The following FYN variants were observed in gnomAD, a reference collection of about 807,000 sequenced individuals.
FYN encodes the protein FYN proto-oncogene, Src family tyrosine kinase.
In FYN, 10 loss-of-function variants were observed where a neutral mutation model predicts 70.2. The observed-to-expected ratio is 0.14, with a 90% CI of 0.09 to 0.24. FYN has a LOEUF of 0.24. FYN is among the 10% of genes least tolerant of loss of function. The pLI is 1.00. For synonymous variants in FYN, 236 were observed against 248.6 expected, an observed-to-expected ratio of 0.95 and a Z score of 0.48; for missense variants, 319 against 673.1, an observed-to-expected ratio of 0.47 and a Z score of 5.82.
chr6:111,870,883 G>T (rs1774251538), intron 1 of FYN, among the ~76,000 whole-genome samples: 1 of 152,102 alleles, frequency 6.6e-6, no homozygotes, highest in African/African-American at 2.4e-5. Context: ...ATGTGCTCTG[G>T]CTTTCCTTCC....
chr6:111,830,928 A>G (rs1772997110), intron 2 of FYN, among the ~76,000 whole-genome samples: 1 of 152,142 alleles, frequency 6.6e-6, no homozygotes, highest in Non-Finnish European at 1.5e-5. Flanking sequence ...GACACTGTAG[A>G]CATGGGCATG....
chr6:111,702,130 T>C lies in FYN; in HGVS notation c.697+755A>G, dbSNP rs531759844. ...ATGTGTCTATACATGTGCACCTATATCTATAGGCACATGTGAACATGTATT... is the reference window on the plus strand; with the variant it reads ...ATGTGTCTATACATGTGCACCTATACCTATAGGCACATGTGAACATGTATT... On this transcript the variant is annotated intron_variant, in intron 8 of 13. Transcript: ENST00000354650. 7.9e-5 allele frequency among the ~76,000 whole-genome samples: 12 copies of C among 152,294 alleles called. No homozygotes were observed. The South Asian group carries it at 2.3e-3, about 29-fold the overall frequency.
chr6:111,837,688 C>T (rs1292665967), intron 2 of FYN, among the ~76,000 whole-genome samples: 1 of 152,208 alleles, frequency 6.6e-6, no homozygotes, highest in Non-Finnish European at 1.5e-5. Context: ...GCCTCCACTT[C>T]AGACACTCTT....
intron 2 of FYN, among the ~76,000 whole-genome samples, chr6:111,835,628 T>C (rs192567126): frequency 5.0e-4 from 76 of 152,092 alleles, no homozygotes; most frequent in Non-Finnish European, 7.8e-4. Flanking sequence ...GCTAAACATT[T>C]GATTTTTTTT....
chr6:111,660,667 C>T lies in FYN; in HGVS notation c.*1072G>A, dbSNP rs561003544. On this transcript the variant is annotated 3_prime_UTR_variant, in exon 14 of 14. Coordinates refer to ENST00000354650, the MANE Select transcript of FYN (RefSeq NM_002037.5). ...CAGGACATTTAAAACACTTATTTTA[C>T]AATGGGAAATGTACAACCCCCACCC... 2.6e-5 allele frequency: 4 copies of T among 152,270 alleles called. No individual in the cohort carries two copies. Among genetic ancestry groups the T allele is most frequent in the African/African-American group, 7.2e-5 (3 of 41,558 alleles). The allele number at this position is 152,270 out of a possible 1,614,324, so 9.4% of individuals were successfully genotyped here.
intron 12 of FYN, among the ~76,000 whole-genome samples, chr6:111,687,346 C>T (rs1799051541): frequency 6.6e-6 from 1 of 152,110 alleles, no homozygotes; most frequent in Non-Finnish European, 1.5e-5. Context: ...AATACATAAG[C>T]CTAAACTTAC....
At chr6:111,762,563 A>C (rs1206442595) in intron 3 of FYN, among the ~76,000 whole-genome samples, 2 of 151,826 alleles carry the variant, frequency 1.3e-5, no homozygotes, top group African/African-American at 4.9e-5. Flanking sequence ...TACTAACTCC[A>C]ACCTGACACT....
At chr6:111,699,460 A>G in intron 9 of FYN, 2 of 1,571,506 alleles carry the variant, frequency 1.3e-6, no homozygotes, top group Non-Finnish European at 8.7e-7. Flanking sequence ...GTTCAAAACC[A>G]TCCTTTTAAT....
intron 1 of FYN, among the ~76,000 whole-genome samples, chr6:111,853,465 A>G (rs910844671): frequency 1.3e-5 from 2 of 151,964 alleles, no homozygotes; most frequent in African/African-American, 2.4e-5. Context: ...AGCCAGGTGT[A>G]TGTTCCCTGG....
At chr6:111,739,563 G>A (rs1319060443) in intron 3 of FYN, among the ~76,000 whole-genome samples, 1 of 152,214 alleles carries the variant, frequency 6.6e-6, no homozygotes, top group Non-Finnish European at 1.5e-5. Flanking sequence ...ATGTGGGAGA[G>A]AAACAGAAGT....
At chr6:111,679,602 C>T (rs923857888) in intron 12 of FYN, among the ~76,000 whole-genome samples, 8 of 152,080 alleles carry the variant, frequency 5.3e-5, no homozygotes, top group Admixed American at 2.0e-4. Flanking sequence ...CCTTACAGAG[C>T]GTATTATCAG....
rs1433709799 is a variant in FYN at position 111,789,793 on chromosome 6, T to G, written c.-81-9158A>C. Among the ~76,000 whole-genome samples, 9 of 152,246 alleles carry G rather than the reference T, an allele frequency of 5.9e-5. No individual in the cohort carries two copies. The East Asian group carries it at 1.7e-3, about 29-fold the overall frequency. On this transcript the variant is annotated intron_variant, in intron 2 of 13. Transcript: ENST00000354650. ...TTCCTAAGATCTGCAATCCACAGTC[T>G]GAACAGAAACACTGCTTTGCTATGA...
intron 9 of FYN, 41 bp downstream of exon 9, chr6:111,700,063 A>C: frequency 6.3e-7 from 1 of 1,589,686 alleles, no homozygotes; most frequent in South Asian, 1.1e-5. Context: ...GGATCTTCCA[A>C]ACGGGGAAGC....
At chr6:111,868,175 C>T (rs1774168049) in intron 1 of FYN, among the ~76,000 whole-genome samples, 1 of 152,036 alleles carries the variant, frequency 6.6e-6, no homozygotes, top group Non-Finnish European at 1.5e-5. Flanking sequence ...TGCCATCCTA[C>T]ATGGACCCCT....
intron 2 of FYN, among the ~76,000 whole-genome samples, chr6:111,820,479 A>G (rs1187868240): frequency 4.6e-5 from 7 of 151,716 alleles, no homozygotes; most frequent in Non-Finnish European, 8.8e-5. Context: ...CTATTAGGAA[A>G]TAACCTGAGA....
intron 2 of FYN, among the ~76,000 whole-genome samples, chr6:111,829,300 C>T (rs945643101): frequency 3.9e-5 from 6 of 152,118 alleles, no homozygotes; most frequent in East Asian, 1.9e-4. Flanking sequence ...GTACTCTCCC[C>T]GGGCCTCTGA....
chr6:111,778,709 T>A (rs919168062), intron 3 of FYN, among the ~76,000 whole-genome samples: 3 of 152,008 alleles, frequency 2.0e-5, no homozygotes. Flanking sequence ...TTGGCCAGGA[T>A]GGTCTCGATC....
At chr6:111,764,990 G>A (rs193203954) in intron 3 of FYN, among the ~76,000 whole-genome samples, 40 of 140,150 alleles carry the variant, frequency 2.9e-4, no homozygotes, top group African/African-American at 9.9e-4. Flanking sequence ...CGGTGGGGCC[G>A]AAGCAGCGTC....
intron 1 of FYN, among the ~76,000 whole-genome samples, chr6:111,859,658 G>A (rs997989870): frequency 1.3e-5 from 2 of 152,122 alleles, no homozygotes; most frequent in Non-Finnish European, 2.9e-5. Context: ...CACGATACCT[G>A]CCATTTAGCA....
Sources: gnomAD v4.1 joint callset for allele counts (sites outside exome capture counted in the v4.1 genomes callset) on GRCh38, gnomAD v4.1.1 for gene constraint, MANE v1.5 for transcripts, NCBI Gene and HGNC (gene_info 2026-07-23, HGNC 2026-07-21) for gene names.